The following ZNF827 variants were observed in gnomAD, a reference collection of about 807,000 sequenced individuals.
ZNF827 encodes the protein zinc finger protein 827.
ZNF827 carries 13 observed loss-of-function variants against 102.4 expected under a neutral mutation model. The ratio of observed to expected loss-of-function variants is 0.13; its 90% CI spans 0.08 to 0.20. The LOEUF is 0.20. ZNF827 is among the 10% of genes least tolerant of loss of function. The probability of loss-of-function intolerance (pLI) is 1.00; values close to 1 mark genes in which losing one functional copy is unlikely to be tolerated. For synonymous variants in ZNF827, 523 were observed against 536.2 expected (o/e 0.98, Z 0.34); for missense variants, 1,103 against 1,344.4 (o/e 0.82, Z 2.81).
At chr4:145,770,951 G>C (rs1177513968) in intron 11 of ZNF827, 2 of 152,202 alleles carry the variant, frequency 1.3e-5, no homozygotes, top group Non-Finnish European at 2.9e-5. Flanking sequence ...CCCAGCAACA[G>C]TGAGTATTAA....
chr4:145,912,737 G>A (rs931966802), intron 1 of ZNF827, among the ~76,000 whole-genome samples: 2 of 152,196 alleles, frequency 1.3e-5, no homozygotes, highest in Non-Finnish European at 2.9e-5. Flanking sequence ...GAAGCTGGGC[G>A]AGAGGTCTGG....
rs755690171 is a variant in ZNF827, at chr4:145,886,211, C to G, written c.1267-53G>C. The G allele has an allele frequency of 8.2e-5, 125 of 1,532,328 alleles. No homozygotes were observed. The Middle Eastern group carries it at 2.6e-3, about 32-fold the overall frequency. The allele number at this position is 1,532,328 out of a possible 1,614,324, so 94.9% of individuals were successfully genotyped here. A position where few individuals can be genotyped will look rare whatever the true frequency, so the allele number is the denominator to read the frequency against. ...AGCCACCGTGCATTTATGGAAAATGCCTTGCTGTAGATCCAGACTATTCAT... is the reference window on the plus strand; with the variant it reads ...AGCCACCGTGCATTTATGGAAAATGGCTTGCTGTAGATCCAGACTATTCAT... On this transcript the variant is annotated intron_variant, in intron 3 of 14. Coordinates refer to ENST00000508784, the MANE Select transcript of ZNF827 (RefSeq NM_001306215.2).
At chr4:145,862,607 C>A (rs1452658835) in intron 5 of ZNF827, among the ~76,000 whole-genome samples, 1 of 152,128 alleles carries the variant, frequency 6.6e-6, no homozygotes, top group Non-Finnish European at 1.5e-5. Context: ...CATTGCTGGT[C>A]ACATTCACTG....
chr4:145,857,339 G>A (rs1747246993), intron 5 of ZNF827, among the ~76,000 whole-genome samples: 1 of 152,220 alleles, frequency 6.6e-6, no homozygotes, highest in Admixed American at 6.5e-5. Context: ...GTAAAAAAGA[G>A]TTAGTGAGAC....
chr4:145,842,435 C>G (rs1348870238), intron 7 of ZNF827, among the ~76,000 whole-genome samples: 1 of 152,230 alleles, frequency 6.6e-6, no homozygotes, highest in Non-Finnish European at 1.5e-5. Context: ...ACTCCCATGA[C>G]TCACTGGCAA....
chr4:145,938,053 C>G (rs1754361681), intron 1 of ZNF827, among the ~76,000 whole-genome samples: 1 of 150,946 alleles, frequency 6.6e-6, no homozygotes, highest in African/African-American at 2.4e-5. Flanking sequence ...CCCCCTCCCC[C>G]CAGCAACCCA....
rs1398643254 is a variant in ZNF827 at position 145,776,017 on chromosome 4, C to T, written c.2522-57G>A. The stretch of plus-strand genomic sequence containing the variant: ...TCGCTTTCAAAAAAGGAAGTCCCAA[C>T]ACCTTGCAAGAATCAGTTAAAGGTA... On this transcript the variant is annotated intron_variant, in intron 9 of 14. Transcript: ENST00000508784. 2.5e-6 allele frequency: 4 copies of T among 1,599,326 alleles called. No individual in the cohort carries two copies. The Admixed American group carries it at 6.7e-5, about 27-fold the overall frequency.
chr4:145,895,452 G>A (rs1335629083), intron 2 of ZNF827, among the ~76,000 whole-genome samples: 2 of 152,136 alleles, frequency 1.3e-5, no homozygotes, highest in Non-Finnish European at 2.9e-5. Context: ...GTACAAATTA[G>A]GGTGCACTTG....
At chr4:145,857,353 G>C (rs1338499793) in intron 5 of ZNF827, among the ~76,000 whole-genome samples, 1 of 152,172 alleles carries the variant, frequency 6.6e-6, no homozygotes, top group African/African-American at 2.4e-5. Context: ...GTGAGACTTG[G>C]AATTTCTTTC....
At chr4:145,900,473 G>A (rs894762482) in intron 2 of ZNF827, among the ~76,000 whole-genome samples, 16 of 151,638 alleles carry the variant, frequency 1.1e-4, no homozygotes, top group Middle Eastern at 3.4e-3. Context: ...GCAGTGACAC[G>A]ATCTCAGCTC....
At chr4:145,852,814 G>A (rs1381527566) in intron 5 of ZNF827, among the ~76,000 whole-genome samples, 2 of 152,058 alleles carry the variant, frequency 1.3e-5, no homozygotes, top group East Asian at 3.9e-4. Flanking sequence ...GAGTGCAGTG[G>A]CTATTCACAG....
intron 11 of ZNF827, among the ~76,000 whole-genome samples, chr4:145,770,054 T>G (rs1307988465): frequency 6.6e-6 from 1 of 152,176 alleles, no homozygotes; most frequent in Non-Finnish European, 1.5e-5. Context: ...TCCCAGCACT[T>G]TGGGAGGCTG....
chr4:145,786,716 T>G (rs1303638744), intron 8 of ZNF827, among the ~76,000 whole-genome samples: 1 of 152,238 alleles, frequency 6.6e-6, no homozygotes, highest in East Asian at 1.9e-4. Flanking sequence ...AGCTACCACC[T>G]TCTGAGGGCT....
chr4:145,913,913 G>C (rs1379339027), intron 1 of ZNF827, among the ~76,000 whole-genome samples: 1 of 151,948 alleles, frequency 6.6e-6, no homozygotes, highest in Non-Finnish European at 1.5e-5. Context: ...TCTTTACTAG[G>C]TCAAAGAACC....
Position 145,871,741 on chromosome 4 carries a change from T to C in ZNF827, c.1748-1263A>G, listed in dbSNP as rs547763425. Among the ~76,000 whole-genome samples the C allele has an allele frequency of 1.2e-4, 19 of 152,248 alleles. No individual in the cohort carries two copies. The South Asian group carries it at 3.7e-3, about 30-fold the overall frequency. ...CCTACCACCTACTCCAAGCCAATAC[T>C]CAAGCACAAAGTCTGTTTTCCATCT... On this transcript the variant is annotated intron_variant, in intron 4 of 14. Coordinates refer to ENST00000508784, the MANE Select transcript of ZNF827 (RefSeq NM_001306215.2).
At chr4:145,932,623 C>T (rs1352189260) in intron 1 of ZNF827, among the ~76,000 whole-genome samples, 1 of 152,048 alleles carries the variant, frequency 6.6e-6, no homozygotes, top group Non-Finnish European at 1.5e-5. Flanking sequence ...CTCAGGCGCC[C>T]GCCACCACGC....
At chr4:145,836,110 G>A (rs868138160) in intron 7 of ZNF827, among the ~76,000 whole-genome samples, 1 of 151,926 alleles carries the variant, frequency 6.6e-6, no homozygotes, top group African/African-American at 2.4e-5. Flanking sequence ...CTGTACTGCC[G>A]CAAAGCTTCA....
At chr4:145,919,332 G>T (rs989527762) in intron 1 of ZNF827, among the ~76,000 whole-genome samples, 3 of 152,192 alleles carry the variant, frequency 2.0e-5, no homozygotes, top group African/African-American at 7.2e-5. Flanking sequence ...TATCCTAAGG[G>T]ACCACCCGTA....
At chr4:145,780,388 C>T (rs1394925772) in intron 8 of ZNF827, among the ~76,000 whole-genome samples, 2 of 152,214 alleles carry the variant, frequency 1.3e-5, no homozygotes, top group African/African-American at 4.8e-5. Context: ...ATAACTACCA[C>T]ACGCTGTGCC....
Sources: allele counts gnomAD v4.1 joint callset (sites outside exome capture counted in the v4.1 genomes callset), GRCh38; gene constraint gnomAD v4.1.1; transcripts MANE v1.5; gene names NCBI Gene and HGNC (gene_info 2026-07-23, HGNC 2026-07-21).